The following ZBTB10 variants were observed in gnomAD, a reference collection of about 807,000 sequenced individuals.
ZBTB10 encodes zinc finger and BTB domain-containing protein 10.
In ZBTB10, 32 loss-of-function variants were observed where a neutral mutation model predicts 76.4. The observed-to-expected ratio is 0.42, with a 90% CI of 0.32 to 0.56. ZBTB10 has a LOEUF of 0.56. Among genes scored for constraint, ZBTB10 ranks in the 20% least tolerant of loss-of-function variants. ZBTB10 has a pLI of 0.14. For synonymous variants in ZBTB10, 523 were observed against 432.9 expected (o/e 1.21, Z -2.58); for missense variants, 1,057 against 1,098.5 (o/e 0.96, Z 0.53).
At chr8:80,488,055 T>C (rs1484828400) in intron 1 of ZBTB10, among the ~76,000 whole-genome samples, 2 of 152,150 alleles carry the variant, frequency 1.3e-5, no homozygotes, top group Admixed American at 1.3e-4. Flanking sequence ...TCATTTCTTA[T>C]CAGATTGAAT....
chr8:80,521,224 G>A lies in ZBTB10; in HGVS notation c.*1696G>A, dbSNP rs1816442084. On this transcript the variant is annotated 3_prime_UTR_variant, in exon 6 of 6. Coordinates refer to ENST00000455036, the MANE Select transcript of ZBTB10 (RefSeq NM_001105539.3). ...AAGATAAATTACAGTTACATGGTTA[G>A]ATGCATCTTTTGTCATCTATATTGT... 1.3e-5 allele frequency: 2 copies of A among 151,916 alleles called. No individual in the cohort carries two copies. The highest frequency in any genetic ancestry group is 1.3e-4 in the Admixed American group (2 of 15,260). 9.4% of individuals were successfully genotyped at this position (151,916 alleles called of 1,614,324 possible). A position where few individuals can be genotyped will look rare whatever the true frequency, so the allele number is the denominator to read the frequency against.
rs1024823094 is a variant in ZBTB10 at position 80,522,114 on chromosome 8, C to T, written c.*2586C>T. 1.3e-5 allele frequency: 2 copies of T among 151,674 alleles called. No homozygotes were observed. Among genetic ancestry groups the T allele is most frequent in the Admixed American group, 6.6e-5 (1 of 15,194 alleles). 9.4% of individuals were successfully genotyped at this position (151,674 alleles called of 1,614,324 possible). On this transcript the variant is annotated 3_prime_UTR_variant, in exon 6 of 6. Coordinates refer to ENST00000455036, the MANE Select transcript of ZBTB10 (RefSeq NM_001105539.3). ...CATGATCTCGAGGGACTGCCTTTTC[C>T]CATCTAGATCTTTTAAAAAAATAGT...
intron 2 of ZBTB10, among the ~76,000 whole-genome samples, chr8:80,505,796 C>T (rs1421903158): frequency 6.6e-6 from 1 of 152,076 alleles, no homozygotes; most frequent in Admixed American, 6.6e-5. Context: ...GTGTCATGAT[C>T]ATGGCTTACA....
chr8:80,488,388 C>T, intron 1 of ZBTB10, among the ~76,000 whole-genome samples: 1 of 152,312 alleles, frequency 6.6e-6, no homozygotes, highest in Admixed American at 6.5e-5. Context: ...CTCTGTTGAA[C>T]TTTCTTACTA....
intron 1 of ZBTB10, among the ~76,000 whole-genome samples, chr8:80,499,239 A>G (rs983982915): frequency 1.3e-5 from 2 of 152,162 alleles, no homozygotes; most frequent in African/African-American, 2.4e-5. Context: ...CTTAGCTTAT[A>G]TTTGAAACAT....
chr8:80,490,729 C>CAA (rs1815607614), intron 1 of ZBTB10, among the ~76,000 whole-genome samples: 1 of 152,168 alleles, frequency 6.6e-6, no homozygotes, highest in Admixed American at 6.5e-5. Context: ...GGCAAGAAAT[C>CAA]ACTTTGAGTC....
rs369440030 is a variant in ZBTB10 at position 80,493,207 on chromosome 8, GCACACACACACACA to G, written c.972+5450_972+5463del. Among the ~76,000 whole-genome samples the G allele has an allele frequency of 2.5e-3, 312 of 125,292 alleles. 1 individual carries two copies. The highest frequency in any genetic ancestry group is 0.01 in the South Asian group (35 of 3,492). 82.2% of individuals were successfully genotyped at this position (125,292 alleles called of 152,430 possible). On this transcript the variant is annotated intron_variant, in intron 1 of 5. Coordinates refer to ENST00000455036, the MANE Select transcript of ZBTB10 (RefSeq NM_001105539.3). ...TGTGCCTCAAAACGCGCGCGCGCGC[GCACACACACACACA>G]CACACACACACACACACACACACAG...
chr8:80,523,688 T>G lies in ZBTB10; in HGVS notation c.*4160T>G, dbSNP rs1428739815. The G allele has an allele frequency of 6.6e-6, 1 of 151,910 alleles. No homozygotes were observed. The highest frequency in any genetic ancestry group is 1.9e-4 in the East Asian group (1 of 5,186). 9.4% of individuals were successfully genotyped at this position (151,910 alleles called of 1,614,324 possible). ...AGAATTCTAGATAGTTTAAAATGTG[T>G]TAGGGATAAGCACACTTCAAAAGAT... On this transcript the variant is annotated 3_prime_UTR_variant, in exon 6 of 6. Coordinates refer to ENST00000455036, the MANE Select transcript of ZBTB10 (RefSeq NM_001105539.3).
chr8:80,504,523 A>ACATATTTGTTGTTTGACTCACTACAGAGT (rs1157566645), intron 2 of ZBTB10, among the ~76,000 whole-genome samples: 1 of 152,178 alleles, frequency 6.6e-6, no homozygotes, highest in Non-Finnish European at 1.5e-5. Context: ...CTTGAAATTA[A>ACATATTTGTTGTTTGACTCACTACAGAGT]CATATTTGTT....
rs992689737 is a variant in ZBTB10 at position 80,486,492 on chromosome 8, C to T, written c.-319C>T. 4 of 985,310 alleles carry T rather than the reference C, an allele frequency of 4.1e-6. No individual in the cohort carries two copies. The highest frequency in any genetic ancestry group is 1.1e-4 in the East Asian group (1 of 8,716). The allele number at this position is 985,310 out of a possible 1,614,324, so 61.0% of individuals were successfully genotyped here. On this transcript the variant is annotated 5_prime_UTR_variant, in exon 1 of 6. Coordinates refer to ENST00000455036, the MANE Select transcript of ZBTB10 (RefSeq NM_001105539.3). The stretch of plus-strand genomic sequence containing the variant: ...TCAACTTCGAAGGCCTCGCTCGCTG[C>T]AGGCTCGCTCCTCACCTCTCCGCCG...
intron 3 of ZBTB10, among the ~76,000 whole-genome samples, chr8:80,518,125 G>A (rs990876229): frequency 6.6e-6 from 1 of 151,570 alleles, no homozygotes; most frequent in Non-Finnish European, 1.5e-5. Flanking sequence ...CCTCAGCCTC[G>A]CAAAGTGCTG....
chr8:80,503,497 T>A (rs1396889458), intron 2 of ZBTB10, among the ~76,000 whole-genome samples: 1 of 148,020 alleles, frequency 6.8e-6, no homozygotes, highest in Non-Finnish European at 1.5e-5. Flanking sequence ...TAGTGTAATT[T>A]ATTATTTATT....
chr8:80,487,115 G>C lies in ZBTB10; in HGVS notation c.305G>C (p.Gly102Ala). 6.6e-7 allele frequency: 1 copy of C among 1,517,702 alleles called. No homozygotes were observed. The highest frequency in any genetic ancestry group is 8.8e-7 in the Non-Finnish European group (1 of 1,137,680). The allele number at this position is 1,517,702 out of a possible 1,614,324, so 94.0% of individuals were successfully genotyped here. The change falls in exon 1 of 6, where the codon GGC becomes GCC. Residue 102 changes from glycine (G) to alanine (A), a missense_variant. Physicochemically the swap from Gly to Ala is moderately conservative, Grantham distance 60. Around this residue, in one of 5 missense-constraint regions of ZBTB10, gnomAD observed 556 missense variants for 451.7 expected, o/e 1.23. Transcript: ENST00000455036. Reference sequence around the variant, plus strand: ...TTGCTGCTCCCCCAAGACGCGGGCGGCCCCACCTCGCTTGGCGGTGGCGCG... The same window carrying C: ...TTGCTGCTCCCCCAAGACGCGGGCGCCCCCACCTCGCTTGGCGGTGGCGCG... ...KELLLPQDAGGPTSLGGGAGG... is the reference protein window; with the variant it reads ...KELLLPQDAGAPTSLGGGAGG...
chr8:80,503,620 C>T (rs1195495852), intron 2 of ZBTB10, among the ~76,000 whole-genome samples: 2 of 152,044 alleles, frequency 1.3e-5, no homozygotes, highest in Non-Finnish European at 2.9e-5. Context: ...CAGATTCAAG[C>T]GTTCTCCTGC....
Position 80,487,211 on chromosome 8 carries a change from G to A in ZBTB10, c.401G>A (p.Gly134Asp), listed in dbSNP as rs1357079801. 6 of 1,545,000 alleles carry A rather than the reference G, an allele frequency of 3.9e-6. No individual in the cohort carries two copies. Among genetic ancestry groups the A allele is most frequent in the Admixed American group, 2.0e-5 (1 of 51,192 alleles). ...CGAGGCGGCGGCGGCGGGGGTCTCG[G>A]CAACAATGGCAGTAGCCGCGGCCGC... ...AFRGGGGGGL[G>D]NNGSSRGRPE... Residue 134 changes from glycine (G) to aspartate (D), a missense_variant, in exon 1 of 6, where the codon GGC (glycine) becomes GAC (aspartate). Around this residue, in one of 5 missense-constraint regions of ZBTB10, gnomAD observed 556 missense variants for 451.7 expected, o/e 1.23. Coordinates refer to ENST00000455036, the MANE Select transcript of ZBTB10 (RefSeq NM_001105539.3).
At chr8:80,505,380 A>G (rs1816024040) in intron 2 of ZBTB10, among the ~76,000 whole-genome samples, 1 of 152,208 alleles carries the variant, frequency 6.6e-6, no homozygotes, top group Admixed American at 6.5e-5. Context: ...TAAATGCAGC[A>G]GTCGATTATT....
chr8:80,487,220 G>A lies in ZBTB10; in HGVS notation c.410G>A (p.Gly137Asp). Residue 137 changes from glycine to aspartate, a missense_variant, in exon 1 of 6, where the codon GGC becomes GAC. Around this residue, in one of 5 missense-constraint regions of ZBTB10, gnomAD observed 556 missense variants for 451.7 expected, o/e 1.23. Transcript: ENST00000455036. ...GGGGGGLGNN[G>D]SSRGRPETSV... ...GGCGGCGGGGGTCTCGGCAACAATG[G>A]CAGTAGCCGCGGCCGCCCCGAGACC... 1 of 1,546,590 alleles carries A rather than the reference G, an allele frequency of 6.5e-7. No individual in the cohort carries two copies. Among genetic ancestry groups the A allele is most frequent in the Non-Finnish European group, 8.7e-7 (1 of 1,148,296 alleles).
chr8:80,487,530 G>A lies in ZBTB10; in HGVS notation c.720G>A (p.Lys240=), dbSNP rs773573689. The stretch of plus-strand genomic sequence containing the variant: ...AGCACTTCCCGCTCGCGCGGCCCAA[G>A]TCTCTAATGCAGAAGCTCCAATGCT... The part of the protein sequence containing the change: ...TVQHFPLARP[K]SLMQKLQCSF... Residue 240 remains lysine (K), a synonymous_variant, in exon 1 of 6, where the codon AAG becomes AAA. Transcript: ENST00000455036. 4.9e-5 allele frequency: 78 copies of A among 1,580,970 alleles called. No individual in the cohort carries two copies. Among genetic ancestry groups the A allele is most frequent in the Admixed American group, 3.7e-4 (20 of 53,680 alleles).
rs1171573224 is a variant in ZBTB10 at position 80,486,986 on chromosome 8, A to G, written c.176A>G (p.Asn59Ser). Residue 59 changes from asparagine to serine, a missense_variant, in exon 1 of 6, where the codon AAT becomes AGT. This residue lies in a region of ZBTB10 where 556 missense variants were observed against 451.7 expected (regional missense o/e 1.23). Coordinates refer to ENST00000455036, the MANE Select transcript of ZBTB10 (RefSeq NM_001105539.3). Reference protein sequence around the residue: ...PPAPPALQPPNGRGADEEVEL... With the variant: ...PPAPPALQPPSGRGADEEVEL... ...GCGCCGCCCGCGCTTCAGCCGCCTA[A>G]TGGGCGGGGGGCCGACGAGGAAGTG... The G allele has an allele frequency of 2.0e-6, 3 of 1,512,750 alleles. No homozygotes were observed. 93.7% of individuals were successfully genotyped at this position (1,512,750 alleles called of 1,614,324 possible).
Sources: gnomAD v4.1 joint callset for allele counts (sites outside exome capture counted in the v4.1 genomes callset) on GRCh38, gnomAD v4.1.1 for gene constraint, gnomAD v4.1.1 regional missense constraint, MANE v1.5 for transcripts, NCBI Gene and HGNC (gene_info 2026-07-23, HGNC 2026-07-21) for gene names.